GNG12: variants seen among roughly 807,000 people sequenced by gnomAD.
The protein encoded by GNG12 is G protein subunit gamma 12.
For synonymous variants in GNG12, 28 were observed against 29.7 expected (o/e 0.94, Z 0.19); for missense variants, 69 against 83.8 (o/e 0.82, Z 0.69).
At chr1:67,708,650 G>A (rs998440130) in intron 2 of GNG12, among the ~76,000 whole-genome samples, 1 of 152,160 alleles carries the variant, frequency 6.6e-6, no homozygotes, top group East Asian at 1.9e-4. Flanking sequence ...AGGCAGGCTG[G>A]GGGAAAAGTG....
Position 67,743,940 on chromosome 1 carries a change from C to T in GNG12, c.-27+33518G>A, listed in dbSNP as rs911501180. Among the ~76,000 whole-genome samples the T allele has an allele frequency of 1.7e-4, 26 of 152,260 alleles. No homozygotes were observed. In the East Asian group the frequency reaches 2.1e-3, roughly 12 times the overall value. On this transcript the variant is annotated intron_variant, in intron 2 of 3. Transcript: ENST00000370982. ...TTATTTGTCAGTGAAGTGCTGAAAA[C>T]GGTTAGTAGAAATAACATAGTAAGC...
At chr1:67,786,510 A>C (rs1194029732) in intron 1 of GNG12, among the ~76,000 whole-genome samples, 1 of 152,202 alleles carries the variant, frequency 6.6e-6, no homozygotes, top group Non-Finnish European at 1.5e-5. Flanking sequence ...AAAACTGTAG[A>C]GGAAGAGGGT....
chr1:67,799,233 T>C (rs938726799), intron 1 of GNG12, among the ~76,000 whole-genome samples: 5 of 152,178 alleles, frequency 3.3e-5, no homozygotes, highest in South Asian at 4.1e-4. Flanking sequence ...GGGTCAACTA[T>C]AGTTAGGAAC....
chr1:67,719,978 C>T (rs1248693148), intron 2 of GNG12, among the ~76,000 whole-genome samples: 1 of 152,208 alleles, frequency 6.6e-6, no homozygotes, highest in African/African-American at 2.4e-5. Context: ...GTCTCGCACC[C>T]TGGGTGTTTG....
chr1:67,760,384 ATTTATT>A (rs1273650408), intron 2 of GNG12, among the ~76,000 whole-genome samples: 3 of 152,002 alleles, frequency 2.0e-5, no homozygotes, highest in African/African-American at 4.8e-5. Flanking sequence ...AATCAGTTCA[ATTTATT>A]TTTATTTTTA....
intron 2 of GNG12, among the ~76,000 whole-genome samples, chr1:67,748,979 C>CT (rs1646523131): frequency 7.0e-6 from 1 of 143,718 alleles, no homozygotes; most frequent in Admixed American, 6.9e-5. Context: ...ACAAACTCTC[C>CT]TTAAAAAAAA....
chr1:67,787,664 C>T (rs933652847), intron 1 of GNG12, among the ~76,000 whole-genome samples: 1 of 152,142 alleles, frequency 6.6e-6, no homozygotes, highest in Non-Finnish European at 1.5e-5. Context: ...TCATCAGAGT[C>T]AATGCTGGTT....
At chr1:67,782,989 T>C (rs2667787) in intron 1 of GNG12, among the ~76,000 whole-genome samples, 11,621 of 152,278 alleles carry the variant, frequency 0.076, 460 homozygotes, top group Admixed American at 0.1. Flanking sequence ...CCTCAACTAA[T>C]GAGATGCAAG....
chr1:67,817,304 G>T (rs1191559692), intron 1 of GNG12, among the ~76,000 whole-genome samples: 1 of 152,218 alleles, frequency 6.6e-6, no homozygotes, highest in African/African-American at 2.4e-5. Flanking sequence ...AGCACTTTAT[G>T]TATACAATCT....
At chr1:67,739,385 T>G (rs1646470223) in intron 2 of GNG12, among the ~76,000 whole-genome samples, 1 of 150,840 alleles carries the variant, frequency 6.6e-6, no homozygotes, top group African/African-American at 2.5e-5. Flanking sequence ...CCGCAGAGAG[T>G]TGATCACAAT....
At chr1:67,752,932 C>T (rs543957252) in intron 2 of GNG12, among the ~76,000 whole-genome samples, 6 of 152,268 alleles carry the variant, frequency 3.9e-5, no homozygotes, top group African/African-American at 1.4e-4. Flanking sequence ...TCGAATCTGA[C>T]CTGTATTATG....
intron 2 of GNG12, among the ~76,000 whole-genome samples, chr1:67,738,090 T>C (rs561664938): frequency 6.6e-6 from 1 of 152,180 alleles, no homozygotes; most frequent in South Asian, 2.1e-4. Context: ...TGCGCCACCA[T>C]GTCAGGCTAT....
chr1:67,807,667 A>G (rs180705170), intron 1 of GNG12, among the ~76,000 whole-genome samples: 8 of 152,220 alleles, frequency 5.3e-5, no homozygotes, highest in Admixed American at 1.3e-4. Flanking sequence ...TAAAAGGCTA[A>G]TAAGGGAATA....
At chr1:67,722,676 TTC>T in intron 2 of GNG12, among the ~76,000 whole-genome samples, 1 of 152,068 alleles carries the variant, frequency 6.6e-6, no homozygotes, top group African/African-American at 2.4e-5. Flanking sequence ...AAAGTTAACT[TTC>T]TCATGTGGAA....
intron 2 of GNG12, among the ~76,000 whole-genome samples, chr1:67,752,168 AGGAAATCTAAC>A (rs1238839724): frequency 2.6e-5 from 4 of 152,226 alleles, no homozygotes; most frequent in Non-Finnish European, 4.4e-5. Context: ...CAGCTCTTAC[AGGAAATCTAAC>A]GTATACTCCT....
intron 2 of GNG12, among the ~76,000 whole-genome samples, chr1:67,769,886 C>T (rs1646663323): frequency 6.6e-6 from 1 of 152,182 alleles, no homozygotes; most frequent in Non-Finnish European, 1.5e-5. Flanking sequence ...AAGAACGTCA[C>T]AGGAAGCTAG....
rs17130245 is a variant in GNG12 at position 67,761,065 on chromosome 1, C to A, written c.-27+16393G>T. 9.1e-3 allele frequency among the ~76,000 whole-genome samples: 1,387 copies of A among 152,300 alleles called. 25 individuals carry two copies. The highest frequency in any genetic ancestry group is 0.032 in the African/African-American group (1,328 of 41,544). ...TTCTGAAATAAAGTTGTGCTAGATA[C>A]TGGAAGATTTCTAAGACCTCTTTCC... On this transcript the variant is annotated intron_variant, in intron 2 of 3. Coordinates refer to ENST00000370982, the MANE Select transcript of GNG12 (RefSeq NM_018841.6).
intron 2 of GNG12, among the ~76,000 whole-genome samples, chr1:67,743,890 T>G (rs1290098459): frequency 2.0e-5 from 3 of 152,188 alleles, no homozygotes; most frequent in Non-Finnish European, 1.5e-5. Flanking sequence ...TTTCTGGAAA[T>G]ATATCACAAT....
intron 1 of GNG12, among the ~76,000 whole-genome samples, chr1:67,780,350 C>T (rs555737427): frequency 1.3e-5 from 2 of 152,282 alleles, no homozygotes; most frequent in Admixed American, 6.5e-5. Flanking sequence ...ACACTCCATG[C>T]CTGCCTCCAA....
Sources: allele counts gnomAD v4.1 joint callset (sites outside exome capture counted in the v4.1 genomes callset), GRCh38; gene constraint gnomAD v4.1.1; transcripts MANE v1.5; gene names NCBI Gene and HGNC (gene_info 2026-07-23, HGNC 2026-07-21).